Variants in METTL6 observed in about 807,000 individuals in gnomAD.
METTL6 encodes methyltransferase 6, tRNA N3-cytidine, also known as tRNA N(3)-cytidine methyltransferase METTL6.
Under a neutral mutation model 26.4 loss-of-function variants are expected in METTL6, and 22 were observed. The ratio of observed to expected loss-of-function variants is 0.83; its 90% confidence interval spans 0.59 to 1.19. The LOEUF (loss-of-function observed/expected upper bound fraction) is 1.19, where lower values mean the gene tolerates loss of function less well. Among genes scored for constraint, METTL6 ranks in the 50% most tolerant of loss-of-function variants. METTL6 has a pLI of 0.00. For synonymous variants in METTL6, 109 were observed against 116.2 expected (o/e 0.94, Z 0.40); for missense variants, 304 against 324.8 (o/e 0.94, Z 0.49).
At chr3:15,401,570 A>G (rs1214427005) in intron 6 of METTL6, among the ~76,000 whole-genome samples, 1 of 151,990 alleles carries the variant, frequency 6.6e-6, no homozygotes. Flanking sequence ...AAGAAAGAAA[A>G]AAAAGAAACA....
rs150853314 is a variant in METTL6 at position 15,381,688 on chromosome 3, C to T, written c.*2511G>A. The stretch of plus-strand genomic sequence containing the variant: ...AGTTAACCTAAAAGATACAGGTTAT[C>T]GCTGCAGGGGGGTTAGGAGCAAAAT... On this transcript the variant is annotated 3_prime_UTR_variant, in exon 7 of 7. Coordinates refer to the METTL6 transcript ENST00000443029. The T allele has an allele frequency of 5.0e-3, 759 of 152,276 alleles. 9 individuals carry two copies. The highest frequency in any genetic ancestry group is 0.017 in the Middle Eastern group (5 of 294). The allele number at this position is 152,276 out of a possible 1,614,324, so 9.4% of individuals were successfully genotyped here.
At chr3:15,389,104 G>C (rs1166394207) in intron 6 of METTL6, among the ~76,000 whole-genome samples, 2 of 151,062 alleles carry the variant, frequency 1.3e-5, no homozygotes, top group Non-Finnish European at 2.9e-5. Context: ...AATCCTTCCT[G>C]CTCAGCCTCC....
intron 3 of METTL6, among the ~76,000 whole-genome samples, chr3:15,420,551 A>C (rs1246923939): frequency 6.6e-6 from 1 of 152,222 alleles, no homozygotes; most frequent in African/African-American, 2.4e-5. Flanking sequence ...GAGGAGAATA[A>C]AGTGCAAAGG....
chr3:15,390,828 T>C (rs1226284943), intron 6 of METTL6, among the ~76,000 whole-genome samples: 1 of 148,910 alleles, frequency 6.7e-6, no homozygotes, highest in Non-Finnish European at 1.5e-5. Flanking sequence ...CACGAACAGA[T>C]TGAAGGGTAG....
In METTL6 at chr3:15,411,368, G is replaced by A. The variant is rs1226784757; in HGVS notation, c.743C>T (p.Thr248Met). 1.4e-5 allele frequency: 22 copies of A among 1,614,108 alleles called. No homozygotes were observed. The highest frequency in any genetic ancestry group is 1.3e-4 in the East Asian group (6 of 44,880). ...EVVNEYVFRE[T>M]VNKKEGLCVP... ...ACACAGGCCTTCTTTTTTATTCACC[G>A]TCTCTCGAAACACATACTCGTTTAC... The change falls in exon 6 of 6, where the codon ACG becomes ATG. Residue 248 changes from threonine (T) to methionine (M), a missense_variant. Transcript: ENST00000383790.
chr3:15,411,980 G>A (rs2124968700), intron 5 of METTL6, among the ~76,000 whole-genome samples: 1 of 152,198 alleles, frequency 6.6e-6, no homozygotes, highest in East Asian at 1.9e-4. Flanking sequence ...GGCCAGGCTG[G>A]TCTCAAACCC....
chr3:15,393,970 T>G (rs1024268705), intron 6 of METTL6, among the ~76,000 whole-genome samples: 2 of 152,228 alleles, frequency 1.3e-5, no homozygotes, highest in Non-Finnish European at 2.9e-5. Context: ...TCTTTTGTTG[T>G]GTCTCTGCCA....
At chr3:15,424,629 T>G (rs1228693344) in intron 3 of METTL6, among the ~76,000 whole-genome samples, 1 of 152,182 alleles carries the variant, frequency 6.6e-6, no homozygotes, top group African/African-American at 2.4e-5. Flanking sequence ...AAAGGCCTTT[T>G]TTAAGGGGAG....
At chr3:15,395,057 T>C (rs2124913551) in intron 6 of METTL6, among the ~76,000 whole-genome samples, 1 of 152,338 alleles carries the variant, frequency 6.6e-6, no homozygotes, top group East Asian at 1.9e-4. Flanking sequence ...GATATCCTTG[T>C]TAACTTTCTG....
chr3:15,382,956 T>A (rs1360148575), exon 7 of METTL6: 1 of 152,182 alleles, frequency 6.6e-6, no homozygotes, highest in Non-Finnish European at 1.5e-5. Context: ...GAAAGTAGAA[T>A]GGTGGTTACC....
chr3:15,404,871 T>TAA (rs1222022777), downstream of METTL6, among the ~76,000 whole-genome samples: 1 of 152,080 alleles, frequency 6.6e-6, no homozygotes, highest in African/African-American at 2.4e-5. Flanking sequence ...GAACATTTGG[T>TAA]TTCAGTAGCA....
intron 6 of METTL6, among the ~76,000 whole-genome samples, chr3:15,397,001 C>T (rs900211900): frequency 6.6e-6 from 1 of 152,204 alleles, no homozygotes; most frequent in Admixed American, 6.5e-5. Context: ...AACCACTACT[C>T]TCTTCAAAGC....
intron 6 of METTL6, among the ~76,000 whole-genome samples, chr3:15,388,110 GT>G (rs1699246367): frequency 6.6e-6 from 1 of 151,756 alleles, no homozygotes; most frequent in Non-Finnish European, 1.5e-5. Flanking sequence ...TGTTGTTGTT[GT>G]TGTTGTTGTT....
At chr3:15,388,299 C>T (rs532826674) in intron 6 of METTL6, among the ~76,000 whole-genome samples, 44 of 152,146 alleles carry the variant, frequency 2.9e-4, no homozygotes, top group African/African-American at 1.0e-3. Context: ...TTAGCAGAGA[C>T]GGGATTTTGC....
At chr3:15,415,687 T>C in intron 4 of METTL6, 85 bp downstream of exon 4, 3 of 1,598,490 alleles carry the variant, frequency 1.9e-6, no homozygotes, top group Non-Finnish European at 2.6e-6. Context: ...TATGTGAATC[T>C]AGACAGTACA....
chr3:15,391,402 C>CT (rs1325980363), intron 6 of METTL6, among the ~76,000 whole-genome samples: 119 of 151,372 alleles, frequency 7.9e-4, no homozygotes, highest in African/African-American at 2.7e-3. Context: ...TTTTAGCCTT[C>CT]TTTTTTTTTA....
chr3:15,392,582 C>A (rs1341027079), intron 6 of METTL6, among the ~76,000 whole-genome samples: 1 of 152,126 alleles, frequency 6.6e-6, no homozygotes, highest in African/African-American at 2.4e-5. Flanking sequence ...GTGCCTATGT[C>A]CTGAATGGTA....
chr3:15,397,218 C>G (rs1306940510), intron 6 of METTL6, among the ~76,000 whole-genome samples: 1 of 152,198 alleles, frequency 6.6e-6, no homozygotes, highest in Non-Finnish European at 1.5e-5. Context: ...TGCTGCCTTG[C>G]AGTTCGATCT....
At chr3:15,393,516 A>G (rs1699405166) in intron 6 of METTL6, among the ~76,000 whole-genome samples, 1 of 152,214 alleles carries the variant, frequency 6.6e-6, no homozygotes, top group African/African-American at 2.4e-5. Flanking sequence ...TTCCCTGGCC[A>G]GAACTTCCAA....
Sources: gnomAD v4.1 joint callset for allele counts (sites outside exome capture counted in the v4.1 genomes callset) on GRCh38, gnomAD v4.1.1 for gene constraint, MANE v1.5 for transcripts, NCBI Gene and HGNC (gene_info 2026-07-23, HGNC 2026-07-21) for gene names.